Variants in VWF observed in about 807,000 individuals in gnomAD.
The protein encoded by VWF is Factor VIII related antigen.
Under a neutral mutation model 308.6 loss-of-function variants are expected in VWF, and 176 were observed. The ratio of observed to expected loss-of-function variants is 0.57; its 90% CI spans 0.50 to 0.65. The LOEUF (loss-of-function observed/expected upper bound fraction) is 0.65, where lower values mean the gene tolerates loss of function less well. Ranked by LOEUF, VWF falls within the 30% of genes least tolerant of loss-of-function variation. The probability of loss-of-function intolerance (pLI) is 0.00; values close to 1 mark genes in which losing one functional copy is unlikely to be tolerated. For synonymous variants in VWF, 1,385 were observed against 1,443.4 expected, an observed-to-expected ratio of 0.96 and a Z score of 0.92; for missense variants, 3,146 against 3,648.2, an observed-to-expected ratio of 0.86 and a Z score of 3.55.
intron 47 of VWF, among the ~76,000 whole-genome samples, chr12:5,956,530 C>G (rs1490091570): frequency 1.3e-5 from 2 of 151,710 alleles, no homozygotes; most frequent in Non-Finnish European, 2.9e-5. Flanking sequence ...ATAGTTCCAC[C>G]TGTTTGGGAG....
intron 43 of VWF, among the ~76,000 whole-genome samples, chr12:5,975,864 AC>A (rs1237696436): frequency 3.3e-5 from 5 of 151,482 alleles, no homozygotes; most frequent in Non-Finnish European, 7.4e-5. Context: ...CCCAGCCCTA[AC>A]CCCCTCCCTC....
At chr12:6,056,835 T>G in intron 15 of VWF, 22 bp downstream of exon 15, 1 of 1,364,312 alleles carries the variant, frequency 7.3e-7, no homozygotes, top group South Asian at 1.8e-5. Context: ...CCCGGAGGGC[T>G]GCGGGCAGGG....
intron 18 of VWF, among the ~76,000 whole-genome samples, chr12:6,040,350 T>G (rs1346189942): frequency 6.6e-6 from 1 of 152,186 alleles, no homozygotes; most frequent in African/African-American, 2.4e-5. Context: ...TCTCAGAAAG[T>G]GAACACTGGG....
chr12:5,970,137 C>T (rs1477643071), intron 44 of VWF, among the ~76,000 whole-genome samples: 1 of 152,196 alleles, frequency 6.6e-6, no homozygotes, highest in African/African-American at 2.4e-5. Flanking sequence ...CCACTCCTGA[C>T]TCCCTGTGGC....
At chr12:6,123,306 A>G in intron 1 of VWF, 110 bp from the exon 2 acceptor site, 1 of 1,310,024 alleles carries the variant, frequency 7.6e-7, no homozygotes, top group Non-Finnish European at 1.1e-6. Flanking sequence ...AAAGCAGGAG[A>G]AAAGATTGAT....
At chr12:6,077,333 TC>T (rs1028593958) in intron 6 of VWF, among the ~76,000 whole-genome samples, 1 of 152,118 alleles carries the variant, frequency 6.6e-6, no homozygotes, top group Non-Finnish European at 1.5e-5. Flanking sequence ...AGCCGGGTTC[TC>T]TCTGCACCTT....
Position 6,058,744 on chromosome 12 carries a change from G to A in VWF, c.1534-700C>T, listed in dbSNP as rs115356311. Among the ~76,000 whole-genome samples the A allele has an allele frequency of 4.9e-3, 742 of 152,244 alleles. 10 individuals carry two copies. Among genetic ancestry groups the A allele is most frequent in the African/African-American group, 0.017 (701 of 41,536 alleles). ...GCCAGGGTGACAGCAGCAAAGCAGC[G>A]GCACAGTTCAAACTCCAGGCCATGA... On this transcript the variant is annotated intron_variant, in intron 13 of 51. Transcript: ENST00000261405. This position sits in a 1 kb window ranked among gnomAD's most constrained non-coding sequence, Gnocchi z 4.9.
At position 5,952,486 on chromosome 12, in the gene VWF, G is replaced by C; in HGVS notation, c.8020C>G (p.His2674Asp). 6.2e-7 allele frequency: 1 copy of C among 1,614,088 alleles called. No individual in the cohort carries two copies. Among genetic ancestry groups the C allele is most frequent in the Non-Finnish European group, 8.5e-7 (1 of 1,179,966 alleles). ...CCTCTCTCATTGACCTTGCAGAAGT[G>C]AGTATCACAGCCATCCTGGAGCGTC... ...DETLQDGCDTHFCKVNERGEY... is the reference protein window; with the variant it reads ...DETLQDGCDTDFCKVNERGEY... The change falls in exon 49 of 52, where the codon CAC becomes GAC. Residue 2674 changes from histidine (H) to aspartate (D), a missense_variant. Physicochemically the swap from His to Asp is moderately conservative, Grantham distance 81 (BLOSUM62 -1). Around this residue, in one of 3 missense-constraint regions of VWF, gnomAD observed 989 missense variants for 1,117.4 expected, o/e 0.89. Transcript: ENST00000261405.
Position 6,019,316 on chromosome 12 carries a change from T to C in VWF, c.4102A>G (p.Ile1368Val), listed in dbSNP as rs199703097. 1 of 1,613,796 alleles carries C rather than the reference T, an allele frequency of 6.2e-7. No individual in the cohort carries two copies. The highest frequency in any genetic ancestry group is 2.2e-5 in the East Asian group (1 of 44,856). The change falls in exon 28 of 52, where the codon ATC becomes GTC. Residue 1368 changes from isoleucine to valine, a missense_variant. Transcript: ENST00000261405. The surrounding 1 kb of genome is among the most constrained non-coding windows in gnomAD (Gnocchi z 5.8). The part of the protein sequence containing the change: ...SEVLKYTLFQ[I>V]FSKIDRPEAS... ...TCAGGGCGGTCGATCTTGCTGAAGATTTGGAACAGTGTGTATTTCAAGACC... is the reference window on the plus strand; with the variant it reads ...TCAGGGCGGTCGATCTTGCTGAAGACTTGGAACAGTGTGTATTTCAAGACC...
chr12:6,023,204 G>A (rs1944149257), intron 25 of VWF, among the ~76,000 whole-genome samples: 1 of 152,170 alleles, frequency 6.6e-6, no homozygotes, highest in Non-Finnish European at 1.5e-5. Context: ...TTACAGGTAT[G>A]AGTCACTGTG....
chr12:6,017,572 A>AGACGCCAGTGTCAGTAAAAGGTAGTAGT (rs1417212333), intron 28 of VWF, among the ~76,000 whole-genome samples: 1 of 152,242 alleles, frequency 6.6e-6, no homozygotes, highest in African/African-American at 2.4e-5. Flanking sequence ...GGAATGGATT[A>AGACGCCAGTGTCAGTAAAAGGTAGTAGT]GACGCCAGTG....
chr12:6,045,574 C>G (rs1320470232), intron 17 of VWF, among the ~76,000 whole-genome samples: 3 of 152,310 alleles, frequency 2.0e-5, no homozygotes, highest in Non-Finnish European at 4.4e-5. Flanking sequence ...GTTCTGGTCT[C>G]AACCTTTGAG....
chr12:6,104,425 C>T (rs1945217872), intron 5 of VWF, among the ~76,000 whole-genome samples: 1 of 151,570 alleles, frequency 6.6e-6, no homozygotes, highest in African/African-American at 2.4e-5. Flanking sequence ...CGGTGGCTCA[C>T]ACCTGTAATC....
intron 5 of VWF, among the ~76,000 whole-genome samples, chr12:6,101,706 G>A (rs902621910): frequency 6.6e-6 from 1 of 152,198 alleles, no homozygotes; most frequent in African/African-American, 2.4e-5. Context: ...AACCCGGCAG[G>A]CGGAGGTTGC....
chr12:6,097,211 T>C lies in VWF; in HGVS notation c.533-1627A>G, dbSNP rs545467366. The stretch of plus-strand genomic sequence containing the variant: ...CAGCACTTTGGGAGGCCAAGGAGGG[T>C]GGATCACGAGGTCAGGAGATCAAGA... On this transcript the variant is annotated intron_variant, in intron 5 of 51. Coordinates refer to ENST00000261405, the MANE Select transcript of VWF (RefSeq NM_000552.5). 6.6e-5 allele frequency among the ~76,000 whole-genome samples: 10 copies of C among 151,672 alleles called. No individual in the cohort carries two copies. The South Asian group carries it at 1.0e-3, about 16-fold the overall frequency.
rs1048453790 is a variant in VWF at position 6,105,301 on chromosome 12, T to G, written c.532+5073A>C. ...TAGAGTGCAGTGGGGCGATCTCGGC[T>G]CATTGCAACCTCCGTCCCCTGGGTT... On this transcript the variant is annotated intron_variant, in intron 5 of 51. Transcript: ENST00000261405. Among the ~76,000 whole-genome samples, 8 of 152,280 alleles carry G rather than the reference T, an allele frequency of 5.3e-5. No homozygotes were observed. In the East Asian group the frequency reaches 1.5e-3, roughly 29 times the overall value.
At chr12:6,043,585 C>A (rs1403445999) in intron 18 of VWF, among the ~76,000 whole-genome samples, 2 of 152,232 alleles carry the variant, frequency 1.3e-5, no homozygotes, top group East Asian at 3.9e-4. Context: ...ACAACGCTGG[C>A]TAAGATTAGA....
chr12:5,949,147 C>G lies in VWF; in HGVS notation c.8310G>C (p.Gln2770His). 1 of 1,614,264 alleles carries G rather than the reference C, an allele frequency of 6.2e-7. No individual in the cohort carries two copies. The highest frequency in any genetic ancestry group is 2.2e-5 in the East Asian group (1 of 44,888). ...YSIDINDVQD[Q>H]CSCCSPTRTE... ...TCCGTGTCGGAGAGCAGCAGGAGCA[C>G]TGGTCCTGCACATCGTTGATGTCAA... Residue 2770 changes from glutamine (Q) to histidine (H), a missense_variant, in exon 52 of 52, where the codon CAG becomes CAC. Physicochemically the swap from Gln to His is conservative, Grantham distance 24. This residue lies in a region of VWF where 989 missense variants were observed against 1,117.4 expected (regional missense o/e 0.89). Transcript: ENST00000261405.
At chr12:6,115,286 G>T (rs557783914) in intron 3 of VWF, among the ~76,000 whole-genome samples, 3 of 152,114 alleles carry the variant, frequency 2.0e-5, no homozygotes, top group Admixed American at 1.3e-4. Context: ...CAATCCTCCC[G>T]CTTCAGCCTC....
Sources: gnomAD v4.1 joint callset for allele counts (sites outside exome capture counted in the v4.1 genomes callset) on GRCh38, gnomAD v4.1.1 for gene constraint, gnomAD v4.1.1 regional missense constraint, Gnocchi (gnomAD v3.1) non-coding constraint, MANE v1.5 for transcripts, NCBI Gene and HGNC (gene_info 2026-07-23, HGNC 2026-07-21) for gene names.